NEGR1: variants seen among roughly 807,000 people sequenced by gnomAD.
NEGR1 encodes neuronal growth regulator 1, also known as IgLON family member 4.
Under a neutral mutation model 40.9 loss-of-function variants are expected in NEGR1, and 10 were observed. That is an observed-to-expected ratio of 0.24 (90% CI 0.15 to 0.42). NEGR1 has a LOEUF of 0.42. Among genes scored for constraint, NEGR1 ranks in the 10% least tolerant of loss-of-function variants. The probability of loss-of-function intolerance (pLI) is 1.00; values close to 1 mark genes in which losing one functional copy is unlikely to be tolerated. For missense variants in NEGR1, 352 were observed against 438.9 expected, an observed-to-expected ratio of 0.80 and a Z score of 1.77; for synonymous variants, 185 against 166.8, an observed-to-expected ratio of 1.11 and a Z score of -0.84.
intron 3 of NEGR1, among the ~76,000 whole-genome samples, chr1:71,732,857 A>G (rs1654927882): frequency 6.6e-6 from 1 of 152,136 alleles, no homozygotes; most frequent in South Asian, 2.1e-4. Flanking sequence ...CACCAATAAA[A>G]TTCCATTTTA....
chr1:72,190,022 T>C (rs914088921), intron 1 of NEGR1, among the ~76,000 whole-genome samples: 2 of 151,590 alleles, frequency 1.3e-5, no homozygotes, highest in East Asian at 3.9e-4. Context: ...TTAATAGCAC[T>C]AAGAAGTCAT....
intron 6 of NEGR1, among the ~76,000 whole-genome samples, chr1:71,457,485 G>A (rs1041464342): frequency 6.6e-6 from 1 of 152,148 alleles, no homozygotes; most frequent in Non-Finnish European, 1.5e-5. Flanking sequence ...ATCCTTGTAT[G>A]ATTCAGGGAT....
At chr1:71,409,201 T>C (rs922249183) in intron 6 of NEGR1, among the ~76,000 whole-genome samples, 1 of 152,030 alleles carries the variant, frequency 6.6e-6, no homozygotes, top group Non-Finnish European at 1.5e-5. Context: ...GCTATGGAAC[T>C]CCTCATTGTC....
chr1:71,701,579 C>G lies in NEGR1; in HGVS notation c.536-3440G>C, dbSNP rs575461104. ...CTAATCTAAAGTAATTTCCTCATCT[C>G]TAGCTCCTAACCTTAATCACATCTG... On this transcript the variant is annotated intron_variant, in intron 3 of 6. Coordinates refer to ENST00000357731, the MANE Select transcript of NEGR1 (RefSeq NM_173808.3). Among the ~76,000 whole-genome samples the G allele has an allele frequency of 1.1e-3, 168 of 152,118 alleles. 1 individual carries two copies. The highest frequency in any genetic ancestry group is 3.9e-3 in the African/African-American group (164 of 41,548).
At chr1:72,186,175 A>G (rs1652605685) in intron 1 of NEGR1, among the ~76,000 whole-genome samples, 1 of 151,752 alleles carries the variant, frequency 6.6e-6, no homozygotes, top group Admixed American at 6.6e-5. Context: ...ATATCATGTA[A>G]CAAAGTTTAC....
intron 6 of NEGR1, among the ~76,000 whole-genome samples, chr1:71,542,203 C>T (rs1647729192): frequency 6.6e-6 from 1 of 151,668 alleles, no homozygotes; most frequent in African/African-American, 2.4e-5. Context: ...GCTTCAGAAG[C>T]ATGAAGCCGG....
intron 6 of NEGR1, among the ~76,000 whole-genome samples, chr1:71,423,806 C>G (rs562029038): frequency 6.6e-6 from 1 of 150,392 alleles, no homozygotes; most frequent in South Asian, 2.1e-4. Flanking sequence ...ATCATTATGA[C>G]CAACTCCTCC....
intron 6 of NEGR1, among the ~76,000 whole-genome samples, chr1:71,445,042 C>T (rs1207087308): frequency 2.0e-5 from 3 of 152,102 alleles, no homozygotes; most frequent in African/African-American, 7.2e-5. Context: ...AACATGCATA[C>T]ACACAATAAA....
chr1:72,110,748 C>A (rs1649329063), intron 1 of NEGR1, among the ~76,000 whole-genome samples: 1 of 151,334 alleles, frequency 6.6e-6, no homozygotes, highest in Non-Finnish European at 1.5e-5. Flanking sequence ...TGTAAAGAAT[C>A]CTGCACACCT....
intron 6 of NEGR1, among the ~76,000 whole-genome samples, chr1:71,419,666 T>C (rs1216612789): frequency 6.6e-6 from 1 of 152,178 alleles, no homozygotes; most frequent in Non-Finnish European, 1.5e-5. Flanking sequence ...TCTCCTCTTG[T>C]ATTTCTTAAA....
At chr1:71,439,496 G>A (rs2101309803) in intron 6 of NEGR1, among the ~76,000 whole-genome samples, 1 of 152,234 alleles carries the variant, frequency 6.6e-6, no homozygotes, top group East Asian at 1.9e-4. Flanking sequence ...CGGAGTAGCT[G>A]GGACTACAGG....
intron 2 of NEGR1, among the ~76,000 whole-genome samples, chr1:71,785,921 G>A (rs1395922099): frequency 6.6e-6 from 1 of 152,162 alleles, no homozygotes; most frequent in Admixed American, 6.6e-5. Flanking sequence ...TTCTCAAAAT[G>A]TGTTTTAGCA....
intron 6 of NEGR1, among the ~76,000 whole-genome samples, chr1:71,428,446 A>G (rs1646443453): frequency 6.6e-6 from 1 of 152,194 alleles, no homozygotes. Context: ...CACTGAGTAT[A>G]AGCCCTAATA....
intron 6 of NEGR1, among the ~76,000 whole-genome samples, chr1:71,567,653 G>A (rs775911407): frequency 4.6e-5 from 7 of 151,994 alleles, no homozygotes; most frequent in Admixed American, 2.0e-4. Context: ...TCTTATAATT[G>A]ATTTCTGTAT....
At chr1:71,863,098 A>G (rs1216941752) in intron 2 of NEGR1, among the ~76,000 whole-genome samples, 1 of 152,126 alleles carries the variant, frequency 6.6e-6, no homozygotes, top group Non-Finnish European at 1.5e-5. Flanking sequence ...TCATGACTGC[A>G]TATATACCCA....
intron 1 of NEGR1, among the ~76,000 whole-genome samples, chr1:72,197,668 C>G (rs1307720904): frequency 6.6e-6 from 1 of 151,930 alleles, no homozygotes; most frequent in Non-Finnish European, 1.5e-5. Flanking sequence ...TCTCCATTTT[C>G]ATCTGCAAAA....
At chr1:71,460,480 C>A (rs1646707057) in intron 6 of NEGR1, among the ~76,000 whole-genome samples, 1 of 152,154 alleles carries the variant, frequency 6.6e-6, no homozygotes, top group Non-Finnish European at 1.5e-5. Flanking sequence ...CCCTGATGGG[C>A]AATTTTCTTA....
chr1:71,509,937 G>T (rs955655738), intron 6 of NEGR1, among the ~76,000 whole-genome samples: 21 of 152,160 alleles, frequency 1.4e-4, no homozygotes, highest in Admixed American at 3.9e-4. Context: ...AGAAGAAAAA[G>T]GGGGCATATG....
Position 71,402,573 on chromosome 1 carries a change from T to G in NEGR1, c.*4873A>C, listed in dbSNP as rs1467983047. ...ATATCAATTCTGAAATACTTTTGAG[T>G]AAGTTTGGAATTACTAGAAAAACAG... On this transcript the variant is annotated 3_prime_UTR_variant, in exon 7 of 7. Transcript: ENST00000357731. 2.6e-5 allele frequency: 4 copies of G among 152,154 alleles called. No homozygotes were observed. Among genetic ancestry groups the G allele is most frequent in the African/African-American group, 9.6e-5 (4 of 41,452 alleles). The allele number at this position is 152,154 out of a possible 1,614,324, so 9.4% of individuals were successfully genotyped here.
Sources: gnomAD v4.1 joint callset for allele counts (sites outside exome capture counted in the v4.1 genomes callset) on GRCh38, gnomAD v4.1.1 for gene constraint, MANE v1.5 for transcripts, NCBI Gene and HGNC (gene_info 2026-07-23, HGNC 2026-07-21) for gene names.